The following CEP131 variants were observed in gnomAD, a reference collection of about 807,000 sequenced individuals.
CEP131 encodes centrosomal protein of 131 kDa.
A neutral mutation model predicts 136.8 loss-of-function variants in CEP131; 99 were observed. That is an observed-to-expected ratio of 0.72 (90% CI 0.62 to 0.86). CEP131 has a LOEUF of 0.86. CEP131 is among the 40% of genes least tolerant of loss of function. CEP131 has a pLI of 0.00. For synonymous variants in CEP131, 646 were observed against 612.7 expected, an observed-to-expected ratio of 1.05 and a Z score of -0.80; for missense variants, 1,459 against 1,463.0, an observed-to-expected ratio of 1.00 and a Z score of 0.04.
intron 15 of CEP131, 74 bp downstream of exon 15, chr17:81,196,627 G>A (rs2061760271): frequency 3.9e-6 from 6 of 1,526,476 alleles, no homozygotes; most frequent in Non-Finnish European, 5.3e-6. Context: ...CCTGGCAGTG[G>A]GAAGCCCCTG....
At chr17:81,192,685 G>GGGGGGGGGGGGCCCCCCC in intron 19 of CEP131, 51 bp downstream of exon 19, 3 of 478,408 alleles carry the variant, frequency 6.3e-6, no homozygotes, top group African/African-American at 2.0e-5. Flanking sequence ...GGGGGGAGGG[G>GGGGGGGGGGGGCCCCCCC]TCAGCCAGCG....
rs764333781 is a variant in CEP131, at chr17:81,192,350, G to T, written c.2590C>A (p.Gln864Lys). The change falls in exon 21 of 26, where the codon CAG (glutamine) becomes AAG (lysine). Residue 864 changes from glutamine to lysine, a missense_variant. Coordinates refer to ENST00000450824, the MANE Select transcript of CEP131 (RefSeq NM_014984.4). Reference protein sequence around the residue: ...TLKQQLELERQAWEAGRTRKE... With the variant: ...TLKQQLELERKAWEAGRTRKE... ...CTGGTGCGGCCGGCCTCCCACGCCT[G>T]CCTCTCCAGCTCCAGCTGCTGCTTC... is the stretch of plus-strand genomic sequence containing the variant. The T allele has an allele frequency of 6.3e-7, 1 of 1,582,884 alleles. No individual in the cohort carries two copies. The highest frequency in any genetic ancestry group is 1.1e-5 in the South Asian group (1 of 87,272).
Position 81,193,959 on chromosome 17 carries a change from A to T in CEP131, c.2288T>A (p.Leu763Gln). The change falls in exon 18 of 26, where the codon CTG becomes CAG. Residue 763 changes from leucine to glutamine, a missense_variant. Physicochemically the swap from Leu to Gln is moderately radical, Grantham distance 113. Transcript: ENST00000450824. The part of the protein sequence containing the change: ...REQLEREKEA[L>Q]GQQERERARQ... ...AGCACGTTCGCGCTCCTGCTGGCCCAGCGCCTCCTTCTCCCGCTCCAGCTG... is the reference window on the plus strand; with the variant it reads ...AGCACGTTCGCGCTCCTGCTGGCCCTGCGCCTCCTTCTCCCGCTCCAGCTG... The T allele has an allele frequency of 6.5e-7, 1 of 1,541,576 alleles. No individual in the cohort carries two copies. The highest frequency in any genetic ancestry group is 1.2e-5 in the South Asian group (1 of 83,580).
chr17:81,198,987 C>T lies in CEP131; in HGVS notation c.1193-16G>A, dbSNP rs373212069. ...AGGCCACCACCTGCACAGCAGAACACAGCACCATTCCACAGGGAGCATCCC... is the reference window on the plus strand; with the variant it reads ...AGGCCACCACCTGCACAGCAGAACATAGCACCATTCCACAGGGAGCATCCC... On this transcript the variant is annotated splice_polypyrimidine_tract_variant and intron_variant, in intron 10 of 25. Transcript: ENST00000450824. 239 of 1,520,718 alleles carry T rather than the reference C, an allele frequency of 1.6e-4. 2 individuals carry two copies. In the African/African-American group the frequency reaches 2.9e-3, roughly 18 times the overall value. The allele number at this position is 1,520,718 out of a possible 1,614,324, so 94.2% of individuals were successfully genotyped here. A position where few individuals can be genotyped will look rare whatever the true frequency, so the allele number is the denominator to read the frequency against.
At chr17:81,213,538 G>A (rs766797658) in intron 2 of CEP131, among the ~76,000 whole-genome samples, 7 of 148,960 alleles carry the variant, frequency 4.7e-5, no homozygotes, top group Admixed American at 4.0e-4. Flanking sequence ...CAGCCTGGGC[G>A]ACAGCGTGAG....
chr17:81,192,685 G>GGGGGGGGGGCCC, intron 19 of CEP131, 51 bp downstream of exon 19: 6 of 478,410 alleles, frequency 1.3e-5, no homozygotes, highest in Non-Finnish European at 2.4e-5. Context: ...GGGGGGAGGG[G>GGGGGGGGGGCCC]TCAGCCAGCG....
rs113447841 is a variant in CEP131, at chr17:81,198,855, T to C, written c.1287+22A>G. ...CTTAAAGCCAAAAACCATGATGGAGTGAAGGACAGCTGTGCTCAGACCTGC... is the reference window on the plus strand; with the variant it reads ...CTTAAAGCCAAAAACCATGATGGAGCGAAGGACAGCTGTGCTCAGACCTGC... On this transcript the variant is annotated intron_variant, in intron 11 of 25. Coordinates refer to ENST00000450824, the MANE Select transcript of CEP131 (RefSeq NM_014984.4). The C allele has an allele frequency of 8.1e-3, 12,610 of 1,559,820 alleles. 682 individuals are homozygous for C. In the African/African-American group the frequency reaches 0.12, roughly 15 times the overall value.
At position 81,204,377 on chromosome 17, in the gene CEP131, G is replaced by A. The variant is rs187504004; in HGVS notation, c.516-770C>T. On this transcript the variant is annotated intron_variant, in intron 5 of 25. Coordinates refer to ENST00000450824, the MANE Select transcript of CEP131 (RefSeq NM_014984.4). ...GCCACCCCTCCCCAGCAGTGCAACC[G>A]GGCAGCCAGGACTCGAACCCTGGGG... 3.4e-3 allele frequency among the ~76,000 whole-genome samples: 520 copies of A among 152,264 alleles called. 2 individuals are homozygous for A. The highest frequency in any genetic ancestry group is 0.012 in the African/African-American group (483 of 41,548).
In CEP131 at chr17:81,193,837, C is replaced by A. The variant is rs747105039; in HGVS notation, c.2321+89G>T. ...ATGCTGCACTAAGACCCTCGCCCAC[C>A]TCTACATGGGAACTCCACTCCAGCC... On this transcript the variant is annotated intron_variant, in intron 18 of 25. Coordinates refer to ENST00000450824, the MANE Select transcript of CEP131 (RefSeq NM_014984.4). The A allele has an allele frequency of 3.4e-4, 483 of 1,410,126 alleles. 3 individuals are homozygous for A. Among genetic ancestry groups the A allele is most frequent in the Non-Finnish European group, 3.1e-4 (331 of 1,052,572 alleles). 87.4% of individuals were successfully genotyped at this position (1,410,126 alleles called of 1,614,324 possible). A position where few individuals can be genotyped will look rare whatever the true frequency, so the allele number is the denominator to read the frequency against.
intron 1 of CEP131, among the ~76,000 whole-genome samples, chr17:81,221,150 G>A (rs577803281): frequency 7.5e-5 from 11 of 146,148 alleles, no homozygotes; most frequent in South Asian, 2.2e-4. Flanking sequence ...AAAAAAACGC[G>A]GGAGTGGTTT....
At chr17:81,192,679 G>GT in intron 19 of CEP131, 57 bp downstream of exon 19, 1 of 1,048,298 alleles carries the variant, frequency 9.5e-7, no homozygotes, top group Non-Finnish European at 1.4e-6. Flanking sequence ...GGGGCGGGGG[G>GT]GAGGGGTCAG....
intron 8 of CEP131, 185 bp from the exon 9 acceptor site, chr17:81,200,020 C>T: frequency 1.5e-6 from 1 of 650,686 alleles, no homozygotes; most frequent in Non-Finnish European, 2.7e-6. Context: ...AGGATGAGCC[C>T]TACGTCGCAG....
At chr17:81,212,321 C>CAAAAAA (rs71166130) in intron 2 of CEP131, among the ~76,000 whole-genome samples, 7 of 135,024 alleles carry the variant, frequency 5.2e-5, no homozygotes, top group East Asian at 2.1e-4. Flanking sequence ...GATTCCCTCT[C>CAAAAAA]AAAAAAAAAA....
rs1398548459 is a variant in CEP131 at position 81,191,411 on chromosome 17, T to TG, written c.2623-77dup. On this transcript the variant is annotated intron_variant, in intron 21 of 25. Coordinates refer to ENST00000450824, the MANE Select transcript of CEP131 (RefSeq NM_014984.4). ...GGCCAGGGCCAGCCTCAGGGGGTCCTGGGGGGCTCCAGGCTCTGAGCCACA... is the reference window on the plus strand; with the variant it reads ...GGCCAGGGCCAGCCTCAGGGGGTCCTGGGGGGGCTCCAGGCTCTGAGCCACA... 2.8e-6 allele frequency: 4 copies of TG among 1,446,564 alleles called. No homozygotes were observed. In the South Asian group the frequency reaches 3.5e-5, roughly 13 times the overall value. The allele number at this position is 1,446,564 out of a possible 1,614,324, so 89.6% of individuals were successfully genotyped here.
chr17:81,202,630 G>A (rs896153577), intron 6 of CEP131, among the ~76,000 whole-genome samples: 3 of 152,174 alleles, frequency 2.0e-5, no homozygotes, highest in Non-Finnish European at 2.9e-5. Flanking sequence ...TGGTACCCAG[G>A]ATAATGAGCT....
intron 5 of CEP131, 72 bp downstream of exon 5, chr17:81,206,672 C>A (rs1232625426): frequency 2.0e-6 from 3 of 1,521,708 alleles, no homozygotes; most frequent in Non-Finnish European, 8.8e-7. Context: ...ATAAACAAGA[C>A]AAAGACACAC....
intron 8 of CEP131, chr17:81,200,094 T>C (rs574014635): frequency 3.3e-6 from 2 of 608,778 alleles, no homozygotes; most frequent in Non-Finnish European, 2.9e-6. Flanking sequence ...CCTGAGACTC[T>C]CCAGCCTGGG....
intron 2 of CEP131, among the ~76,000 whole-genome samples, chr17:81,209,484 T>C (rs2062086152): frequency 6.6e-6 from 1 of 152,028 alleles, no homozygotes; most frequent in Non-Finnish European, 1.5e-5. Context: ...CAAGACCTGG[T>C]AGTGAGTGCA....
At chr17:81,220,319 C>T (rs531076603) in intron 1 of CEP131, among the ~76,000 whole-genome samples, 13 of 152,104 alleles carry the variant, frequency 8.5e-5, no homozygotes, top group African/African-American at 3.1e-4. Context: ...AGGTGGGTGG[C>T]GAGGGCAAGG....
Sources: allele counts gnomAD v4.1 joint callset (sites outside exome capture counted in the v4.1 genomes callset), GRCh38; gene constraint gnomAD v4.1.1; transcripts MANE v1.5; gene names NCBI Gene and HGNC (gene_info 2026-07-23, HGNC 2026-07-21).